The following CTNNA2 variants were observed in gnomAD, a reference collection of about 807,000 sequenced individuals.
CTNNA2 encodes catenin alpha 2, also known as catenin alpha-2.
Under a neutral mutation model 101.0 loss-of-function variants are expected in CTNNA2, and 42 were observed. The observed-to-expected ratio is 0.42, with a 90% CI of 0.32 to 0.54. CTNNA2 has a LOEUF of 0.54. CTNNA2 is among the 20% of genes least tolerant of loss of function. CTNNA2 has a pLI of 0.14. For missense variants in CTNNA2, 871 were observed against 1,223.1 expected (o/e 0.71, Z 4.29); for synonymous variants, 450 against 456.4 (o/e 0.99, Z 0.18).
intron 6 of CTNNA2, among the ~76,000 whole-genome samples, chr2:79,891,796 A>T (rs1684325011): frequency 2.0e-5 from 3 of 152,198 alleles, no homozygotes; most frequent in African/African-American, 7.2e-5. Context: ...ACAAATTTAT[A>T]CTGAAAATGC....
intron 4 of CTNNA2, among the ~76,000 whole-genome samples, chr2:79,494,913 A>G (rs753642927): frequency 6.6e-6 from 1 of 152,064 alleles, no homozygotes; most frequent in Non-Finnish European, 1.5e-5. Context: ...AATCGAGACC[A>G]TCCTGGCTAA....
chr2:79,990,709 T>C (rs1417287142), intron 7 of CTNNA2, among the ~76,000 whole-genome samples: 8 of 152,242 alleles, frequency 5.3e-5, no homozygotes, highest in Admixed American at 5.2e-4. Flanking sequence ...TATTTGAAGA[T>C]GGAGACTAGG....
chr2:80,586,456 A>C (rs1441506036), intron 14 of CTNNA2: 3 of 152,150 alleles, frequency 2.0e-5, no homozygotes, highest in Admixed American at 6.5e-5. Context: ...CTGGTTTAGG[A>C]CCTGTGAGGT....
chr2:79,490,966 G>T (rs1671202483), intron 4 of CTNNA2, among the ~76,000 whole-genome samples: 1 of 152,116 alleles, frequency 6.6e-6, no homozygotes, highest in Admixed American at 6.5e-5. Context: ...TATATGCATT[G>T]TCATGGCACA....
intron 3 of CTNNA2, among the ~76,000 whole-genome samples, chr2:79,843,049 T>C (rs992901413): frequency 3.3e-5 from 5 of 151,614 alleles, no homozygotes; most frequent in African/African-American, 1.2e-4. Context: ...ATTGAAATTA[T>C]TAGGTTTGAG....
At chr2:80,529,705 A>G (rs554007301) in intron 9 of CTNNA2, among the ~76,000 whole-genome samples, 1 of 152,336 alleles carries the variant, frequency 6.6e-6, no homozygotes, top group South Asian at 2.1e-4. Flanking sequence ...AAAACTAAAC[A>G]GAAGCAAGTT....
At chr2:79,477,992 A>AGC (rs1671069328) in intron 4 of CTNNA2, among the ~76,000 whole-genome samples, 6 of 152,234 alleles carry the variant, frequency 3.9e-5, no homozygotes, top group Non-Finnish European at 7.3e-5. Context: ...CACAAATCAT[A>AGC]AAGTCAAGTT....
intron 7 of CTNNA2, among the ~76,000 whole-genome samples, chr2:80,340,964 C>G (rs1672180349): frequency 6.6e-6 from 1 of 152,086 alleles, no homozygotes; most frequent in Non-Finnish European, 1.5e-5. Flanking sequence ...GTCAGGAAGG[C>G]ATTTAACTTA....
intron 7 of CTNNA2, among the ~76,000 whole-genome samples, chr2:80,221,601 C>T (rs952984024): frequency 2.0e-5 from 3 of 152,184 alleles, no homozygotes; most frequent in East Asian, 1.9e-4. Context: ...CTGATATACT[C>T]ATTTCCTGGC....
At chr2:79,347,280 G>C (rs1677283808) in intron 3 of CTNNA2, among the ~76,000 whole-genome samples, 1 of 152,122 alleles carries the variant, frequency 6.6e-6, no homozygotes, top group South Asian at 2.1e-4. Flanking sequence ...TATTAGTTAA[G>C]AGCTTAAAGT....
chr2:79,495,646 G>A (rs981385549), intron 4 of CTNNA2, among the ~76,000 whole-genome samples: 2 of 152,032 alleles, frequency 1.3e-5, no homozygotes, highest in Non-Finnish European at 2.9e-5. Flanking sequence ...TAACACATTC[G>A]ATACACAGGT....
chr2:80,617,515 G>A (rs1698948706), intron 17 of CTNNA2, among the ~76,000 whole-genome samples: 1 of 151,698 alleles, frequency 6.6e-6, no homozygotes, highest in Non-Finnish European at 1.5e-5. Flanking sequence ...CTTCTGTTAA[G>A]TACAGAAAAA....
chr2:79,914,153 C>T (rs536449639), intron 7 of CTNNA2, among the ~76,000 whole-genome samples: 1 of 118,100 alleles, frequency 8.5e-6, no homozygotes, highest in Non-Finnish European at 1.6e-5. Context: ...GGCGACAGAG[C>T]GAGACTCCGT....
chr2:79,678,850 A>G (rs1683369095), intron 2 of CTNNA2, among the ~76,000 whole-genome samples: 2 of 152,220 alleles, frequency 1.3e-5, no homozygotes, highest in South Asian at 4.2e-4. Flanking sequence ...TCTTGAAAAT[A>G]CTCACTTGCT....
Position 80,119,254 on chromosome 2 carries a change from A to G in CTNNA2, c.1056+209457A>G, listed in dbSNP as rs142611705. Among the ~76,000 whole-genome samples, 778 of 152,266 alleles carry G rather than the reference A, an allele frequency of 5.1e-3. 12 individuals carry two copies. The highest frequency in any genetic ancestry group is 6.1e-3 in the Non-Finnish European group (416 of 68,018). ...GAGAAGTGTCTTCTGCCATTTATCT[A>G]TCAGACAGATATCAGATTTCTCAGA... On this transcript the variant is annotated intron_variant, in intron 7 of 18. Coordinates refer to ENST00000402739, the MANE Select transcript of CTNNA2 (RefSeq NM_001282597.3).
intron 7 of CTNNA2, among the ~76,000 whole-genome samples, chr2:80,201,734 GT>G (rs1707226983): frequency 6.6e-6 from 1 of 152,126 alleles, no homozygotes; most frequent in Non-Finnish European, 1.5e-5. Flanking sequence ...GTTTCCCAGT[GT>G]TTCAACATGC....
intron 5 of CTNNA2, among the ~76,000 whole-genome samples, chr2:79,506,773 C>T (rs1671422299): frequency 6.6e-6 from 1 of 152,104 alleles, no homozygotes. Flanking sequence ...GATTCTGTCC[C>T]AAATCGTTTT....
chr2:80,151,483 G>A (rs538341183), intron 7 of CTNNA2, among the ~76,000 whole-genome samples: 1 of 152,276 alleles, frequency 6.6e-6, no homozygotes, highest in East Asian at 1.9e-4. Flanking sequence ...CCACAAAATA[G>A]CCTTTACTCA....
rs558976495 is a variant in CTNNA2, at chr2:79,374,678, G to A, written c.-135+665G>A. On this transcript the variant is annotated intron_variant, in intron 4 of 21. Transcript: ENST00000466387. ...TTTTAGTGGAAATTTGGGAGATGATGTATCAGCAGCAACTAGCCAAGCACC... is the reference window on the plus strand; with the variant it reads ...TTTTAGTGGAAATTTGGGAGATGATATATCAGCAGCAACTAGCCAAGCACC... 2.7e-3 allele frequency among the ~76,000 whole-genome samples: 414 copies of A among 152,186 alleles called. 3 individuals carry two copies. Among genetic ancestry groups the A allele is most frequent in the African/African-American group, 9.0e-3 (374 of 41,536 alleles).
Sources: allele counts gnomAD v4.1 joint callset (sites outside exome capture counted in the v4.1 genomes callset), GRCh38; gene constraint gnomAD v4.1.1; transcripts MANE v1.5; gene names NCBI Gene and HGNC (gene_info 2026-07-23, HGNC 2026-07-21).